KIF16B: variants seen among roughly 807,000 people sequenced by gnomAD.
KIF16B encodes kinesin family member 16B.
In KIF16B, 98 loss-of-function variants were observed where a neutral mutation model predicts 156.3. That is an observed-to-expected ratio of 0.63 (90% CI 0.53 to 0.74). KIF16B has a LOEUF of 0.74. Among genes scored for constraint, KIF16B ranks in the 30% least tolerant of loss-of-function variants. The probability of loss-of-function intolerance (pLI) is 0.00; values close to 1 mark genes in which losing one functional copy is unlikely to be tolerated. For synonymous variants in KIF16B, 564 were observed against 583.7 expected (o/e 0.97, Z 0.49); for missense variants, 1,421 against 1,606.5 (o/e 0.88, Z 1.97).
At chr20:16,306,487 T>C (rs2122651390) in intron 25 of KIF16B, among the ~76,000 whole-genome samples, 1 of 152,332 alleles carries the variant, frequency 6.6e-6, no homozygotes, top group East Asian at 1.9e-4. Flanking sequence ...ATTTTTATTT[T>C]TCAGATTACA....
At chr20:16,459,976 A>C (rs373593908) in intron 12 of KIF16B, among the ~76,000 whole-genome samples, 2 of 152,196 alleles carry the variant, frequency 1.3e-5, no homozygotes, top group East Asian at 3.9e-4. Flanking sequence ...GTTTAAGAGA[A>C]TAAGAGGACA....
chr20:16,438,559 CGGG>C (rs1456731235), intron 12 of KIF16B, among the ~76,000 whole-genome samples: 1 of 152,018 alleles, frequency 6.6e-6, no homozygotes, highest in Non-Finnish European at 1.5e-5. Flanking sequence ...TGCAGACAAG[CGGG>C]GGCCTATTGT....
In KIF16B at chr20:16,273,178, G is replaced by A. The variant is rs1469377374; in HGVS notation, c.*75C>T. 5.4e-6 allele frequency: 7 copies of A among 1,305,950 alleles called. No homozygotes were observed. The African/African-American group carries it at 7.3e-5, about 14-fold the overall frequency. 80.9% of individuals were successfully genotyped at this position (1,305,950 alleles called of 1,614,324 possible). ...AGGAGGCAGACCCGGATCCTCGCATGGGGGAGCTGCCCTGCATCGGAGCCC... is the reference window on the plus strand; with the variant it reads ...AGGAGGCAGACCCGGATCCTCGCATAGGGGAGCTGCCCTGCATCGGAGCCC... On this transcript the variant is annotated 3_prime_UTR_variant, in exon 26 of 26. Transcript: ENST00000354981.
chr20:16,426,980 C>T, intron 15 of KIF16B, 124 bp downstream of exon 15: 2 of 762,536 alleles, frequency 2.6e-6, no homozygotes, highest in Non-Finnish European at 3.9e-6. Context: ...TTGAAGCAAA[C>T]AGTCTCACCC....
intron 17 of KIF16B, among the ~76,000 whole-genome samples, chr20:16,388,189 T>C (rs976065124): frequency 6.6e-6 from 1 of 152,164 alleles, no homozygotes; most frequent in African/African-American, 2.4e-5. Flanking sequence ...ACAAACAGTA[T>C]GAGGGGAGAG....
chr20:16,410,553 G>A (rs1490416956), intron 15 of KIF16B, among the ~76,000 whole-genome samples: 2 of 151,924 alleles, frequency 1.3e-5, no homozygotes, highest in Admixed American at 6.6e-5. Flanking sequence ...CTTATAGAGA[G>A]TCCTGAAAGT....
At chr20:16,367,414 C>A in intron 22 of KIF16B, 1 of 1,612,846 alleles carries the variant, frequency 6.2e-7, no homozygotes, top group East Asian at 2.2e-5. Flanking sequence ...TAAAGCATGG[C>A]ATTTGATCAC....
Position 16,494,206 on chromosome 20 carries a change from C to T in KIF16B, c.1302+85G>A. The T allele has an allele frequency of 6.6e-6, 5 of 762,816 alleles. No homozygotes were observed. In the South Asian group the frequency reaches 6.7e-5, roughly 10 times the overall value. The allele number at this position is 762,816 out of a possible 1,614,324, so 47.3% of individuals were successfully genotyped here. A position where few individuals can be genotyped will look rare whatever the true frequency, so the allele number is the denominator to read the frequency against. ...TTACCTTAACAAAGTATACAACTGC[C>T]ATGTTTGGAGATTAAAAAAAAAAAA... On this transcript the variant is annotated intron_variant, in intron 12 of 25. Coordinates refer to ENST00000354981, the MANE Select transcript of KIF16B (RefSeq NM_024704.5).
intron 22 of KIF16B, among the ~76,000 whole-genome samples, chr20:16,364,817 T>C (rs1208861942): frequency 4.6e-5 from 7 of 152,226 alleles, no homozygotes; most frequent in Admixed American, 1.3e-4. Context: ...TGTGGCCTTC[T>C]TAGATCATAA....
At chr20:16,420,535 T>C (rs962723197) in intron 15 of KIF16B, among the ~76,000 whole-genome samples, 1 of 152,000 alleles carries the variant, frequency 6.6e-6, no homozygotes, top group African/African-American at 2.4e-5. Flanking sequence ...GGTGGAAAGG[T>C]AGGAAGCTGC....
chr20:16,403,267 T>C (rs181514046), intron 17 of KIF16B, among the ~76,000 whole-genome samples: 3 of 152,324 alleles, frequency 2.0e-5, no homozygotes, highest in Admixed American at 2.0e-4. Flanking sequence ...CTATTTTAGC[T>C]GAAATTACAC....
intron 24 of KIF16B, among the ~76,000 whole-genome samples, chr20:16,334,526 C>T (rs1267288811): frequency 6.6e-6 from 1 of 152,156 alleles, no homozygotes; most frequent in Non-Finnish European, 1.5e-5. Flanking sequence ...AGCTTAGTAA[C>T]AGAATTTCAG....
chr20:16,559,294 A>AGTCC (rs1321388857), intron 1 of KIF16B, among the ~76,000 whole-genome samples: 2 of 152,206 alleles, frequency 1.3e-5, no homozygotes, highest in Non-Finnish European at 2.9e-5. Flanking sequence ...GCCTATCCAT[A>AGTCC]GTCCATCAAA....
chr20:16,522,165 C>T (rs1189837602), intron 3 of KIF16B, among the ~76,000 whole-genome samples: 2 of 152,116 alleles, frequency 1.3e-5, no homozygotes, highest in African/African-American at 4.8e-5. Context: ...CGAATACAGA[C>T]ATAACAATAT....
chr20:16,542,783 A>C (rs1303891456), intron 1 of KIF16B, among the ~76,000 whole-genome samples: 2 of 152,230 alleles, frequency 1.3e-5, no homozygotes. Context: ...GCTTTGGCTA[A>C]ATGGCTAAGA....
At chr20:16,367,586 A>T (rs762273915) in intron 22 of KIF16B, 2 of 1,612,822 alleles carry the variant, frequency 1.2e-6, no homozygotes, top group Non-Finnish European at 1.7e-6. Context: ...TAGAGCAGTA[A>T]CTGAACTTCT....
chr20:16,406,761 T>C (rs1292159081), intron 15 of KIF16B, among the ~76,000 whole-genome samples: 1 of 152,146 alleles, frequency 6.6e-6, no homozygotes, highest in Non-Finnish European at 1.5e-5. Flanking sequence ...AATTAGACTT[T>C]TGATTGTCTG....
intron 15 of KIF16B, among the ~76,000 whole-genome samples, chr20:16,410,723 T>C (rs1488041004): frequency 6.6e-6 from 1 of 152,138 alleles, no homozygotes; most frequent in Non-Finnish European, 1.5e-5. Context: ...ATGCTGCTGA[T>C]AAGCAATCAC....
At chr20:16,351,273 C>A (rs1401206603) in intron 23 of KIF16B, among the ~76,000 whole-genome samples, 4 of 152,182 alleles carry the variant, frequency 2.6e-5, no homozygotes, top group African/African-American at 9.7e-5. Context: ...ATGCTGGAAA[C>A]ACCAGCTTAT....
Sources: allele counts gnomAD v4.1 joint callset (sites outside exome capture counted in the v4.1 genomes callset), GRCh38; gene constraint gnomAD v4.1.1; transcripts MANE v1.5; gene names NCBI Gene and HGNC (gene_info 2026-07-23, HGNC 2026-07-21).